Variants in DGKZ observed in about 807,000 individuals in gnomAD.
DGKZ encodes DAG kinase zeta.
Under a neutral mutation model 142.5 loss-of-function variants are expected in DGKZ, and 45 were observed. That is an observed-to-expected ratio of 0.32 (90% CI 0.25 to 0.40). DGKZ has a LOEUF of 0.40. Among genes scored for constraint, DGKZ ranks in the 10% least tolerant of loss-of-function variants. The pLI is 1.00. For synonymous variants in DGKZ, 442 were observed against 527.0 expected (o/e 0.84, Z 2.21); for missense variants, 755 against 1,306.5 (o/e 0.58, Z 6.51).
At chr11:46,345,492 CG>C (rs1940526654), upstream of DGKZ, 1 of 1,512,740 alleles carries the variant, frequency 6.6e-7, no homozygotes, top group Admixed American at 2.3e-5. This position sits in a 1 kb window ranked among gnomAD's most constrained non-coding sequence, Gnocchi z 4.1. Flanking sequence ...GCGCTGGGGA[CG>C]GAAGAAGGGG....
chr11:46,350,565 G>C (rs1248733159), intron 1 of DGKZ, among the ~76,000 whole-genome samples: 2 of 142,540 alleles, frequency 1.4e-5, no homozygotes, highest in Non-Finnish European at 3.1e-5. Context: ...GGAAGATCAA[G>C]GGTAACAACT....
At chr11:46,368,256 A>G in intron 4 of DGKZ, 177 bp downstream of exon 4, 1 of 711,240 alleles carries the variant, frequency 1.4e-6, no homozygotes, top group Non-Finnish European at 2.5e-6. Context: ...CTCCTCACTG[A>G]TTAGCTGCTG....
chr11:46,376,457 AGGG>A, intron 23 of DGKZ, 60 bp downstream of exon 23: 1 of 1,613,794 alleles, frequency 6.2e-7, no homozygotes, highest in South Asian at 1.1e-5. Context: ...GATCCCAGGT[AGGG>A]GCAGCAGAGG....
rs1251532491 is a variant in DGKZ at position 46,372,206 on chromosome 11, G to A, written c.927+36G>A. 1 of 1,546,308 alleles carries A rather than the reference G, an allele frequency of 6.5e-7. No homozygotes were observed. The highest frequency in any genetic ancestry group is 8.8e-7 in the Non-Finnish European group (1 of 1,140,414). ...CCTTGCCTCTCAGCTAAGGGCTCGG[G>A]CGGGGGTTGGGGTCCAGCCCGTCTG... On this transcript the variant is annotated intron_variant, in intron 10 of 30. Coordinates refer to ENST00000527911, the Ensembl canonical transcript of DGKZ. This position sits in a 1 kb window ranked among gnomAD's most constrained non-coding sequence, Gnocchi z 5.9.
At position 46,372,759 on chromosome 11, in the gene DGKZ, T is replaced by G. The variant is rs1410789720; in HGVS notation, c.1072-12T>G. ...CTGTGGGCCTGATTTGCCTCTGTTC[T>G]TCCTCCCCCAGGTGGGCTGGATCCT... On this transcript the variant is annotated splice_polypyrimidine_tract_variant and intron_variant, in intron 12 of 30. Coordinates refer to ENST00000527911, the Ensembl canonical transcript of DGKZ. This position sits in a 1 kb window ranked among gnomAD's most constrained non-coding sequence, Gnocchi z 5.9. 1 of 1,608,228 alleles carries G rather than the reference T, an allele frequency of 6.2e-7. No individual in the cohort carries two copies. Among genetic ancestry groups the G allele is most frequent in the South Asian group, 1.1e-5 (1 of 90,296 alleles).
In DGKZ at chr11:46,372,676, C is replaced by T; in HGVS notation, c.1070C>T (p.Thr357Met). The change falls in exon 12 of 31, where the codon ACG (threonine) becomes ATG (methionine). Residue 357 changes from threonine (T) to methionine (M), a missense_variant and splice_region_variant. Physicochemically the swap from Thr to Met is moderately conservative, Grantham distance 81. This residue lies in a region of DGKZ where 191 missense variants were observed against 472.1 expected (regional missense o/e 0.40). Transcript: ENST00000527911. This position sits in a 1 kb window ranked among gnomAD's most constrained non-coding sequence, Gnocchi z 5.9. Reference sequence around the variant, plus strand: ...ATCCTGGCGTGCGGGGGCGACGGCACGGTGAGCTCCCCGCATGGGCCAGCC... The same window carrying T: ...ATCCTGGCGTGCGGGGGCGACGGCATGGTGAGCTCCCCGCATGGGCCAGCC... 2 of 1,613,218 alleles carry T rather than the reference C, an allele frequency of 1.2e-6. No homozygotes were observed. The highest frequency in any genetic ancestry group is 1.3e-5 in the African/African-American group (1 of 75,026).
At chr11:46,369,380 T>TG (rs1943693693) in intron 4 of DGKZ, 114 bp from the exon 5 acceptor site, 1 of 1,289,174 alleles carries the variant, frequency 7.8e-7, no homozygotes. Flanking sequence ...CGTGACGATT[T>TG]GGGGGTATCC....
intron 1 of DGKZ, among the ~76,000 whole-genome samples, chr11:46,348,656 C>T (rs562096056): frequency 1.4e-4 from 21 of 152,294 alleles, no homozygotes; most frequent in African/African-American, 5.1e-4. Context: ...TAGCGGGGAA[C>T]CGGGGGGAGA....
At position 46,367,741 on chromosome 11, in the gene DGKZ, G is replaced by T. The variant is rs1447795808; in HGVS notation, c.360G>T (p.Arg120Ser). 6.2e-7 allele frequency: 1 copy of T among 1,613,174 alleles called. No individual in the cohort carries two copies. Among genetic ancestry groups the T allele is most frequent in the Non-Finnish European group, 8.5e-7 (1 of 1,179,896 alleles). Reference sequence around the variant, plus strand: ...TTGGGGAGCAGTACTGTGTAGCCAGGATGCTGGTGAGTGCTCGTAGGGGCA... The same window carrying T: ...TTGGGGAGCAGTACTGTGTAGCCAGTATGCTGGTGAGTGCTCGTAGGGGCA... The change falls in exon 3 of 31, where the codon AGG becomes AGT. Residue 120 changes from arginine (R) to serine (S), a missense_variant. This residue lies in a region of DGKZ where 142 missense variants were observed against 244.4 expected (regional missense o/e 0.58). Transcript: ENST00000527911. The surrounding 1 kb of genome is among the most constrained non-coding windows in gnomAD (Gnocchi z 4.1).
chr11:46,367,833 C>G lies in DGKZ; in HGVS notation c.366+86C>G, dbSNP rs1943492728. 6.4e-7 allele frequency: 1 copy of G among 1,566,240 alleles called. No individual in the cohort carries two copies. The highest frequency in any genetic ancestry group is 1.4e-5 in the African/African-American group (1 of 73,940). On this transcript the variant is annotated intron_variant, in intron 3 of 30. Coordinates refer to ENST00000527911, the Ensembl canonical transcript of DGKZ. This position sits in a 1 kb window ranked among gnomAD's most constrained non-coding sequence, Gnocchi z 4.1. Reference sequence around the variant, plus strand: ...GGGAACGTGGGATTGAGCCCGCTCCCTGGCACCCCTGCTGTGGGCCGCCCC... The same window carrying G: ...GGGAACGTGGGATTGAGCCCGCTCCGTGGCACCCCTGCTGTGGGCCGCCCC...
At chr11:46,377,925 A>T in intron 25 of DGKZ, 1 of 532,276 alleles carries the variant, frequency 1.9e-6, no homozygotes, top group Admixed American at 3.3e-5. Context: ...GTGCCACATC[A>T]CCTGTTCTGA....
In DGKZ at chr11:46,366,263, ACTTT is replaced by A. The variant is rs1167230952; in HGVS notation, c.162-1023_162-1020del. 1 of 1,577,968 alleles carries A rather than the reference ACTTT, an allele frequency of 6.3e-7. No homozygotes were observed. The highest frequency in any genetic ancestry group is 8.5e-7 in the Non-Finnish European group (1 of 1,171,648). On this transcript the variant is annotated intron_variant, in intron 1 of 30. Transcript: ENST00000527911. ...CAACAGCCAACCGCCTGCCATGGAGACTTTCTTTAGGAGACATTTCCGGGGGAAG... is the reference window on the plus strand; with the variant it reads ...CAACAGCCAACCGCCTGCCATGGAGACTTTAGGAGACATTTCCGGGGGAAG...
intron 1 of DGKZ, among the ~76,000 whole-genome samples, chr11:46,336,988 T>A (rs1940046945): frequency 6.6e-6 from 1 of 152,120 alleles, no homozygotes; most frequent in Non-Finnish European, 1.5e-5. Context: ...GCCACTGCAC[T>A]CGAGGCTGGG....
At chr11:46,374,064 A>T in intron 14 of DGKZ, 93 bp from the exon 15 acceptor site, 1 of 1,384,832 alleles carries the variant, frequency 7.2e-7, no homozygotes, top group Non-Finnish European at 1.0e-6. Flanking sequence ...GCCTGTGAAC[A>T]GATGGGCTGA....
At chr11:46,357,689 G>A (rs1044913262) in intron 1 of DGKZ, among the ~76,000 whole-genome samples, 4 of 152,202 alleles carry the variant, frequency 2.6e-5, no homozygotes, top group Non-Finnish European at 5.9e-5. Flanking sequence ...CCAGGAGCTC[G>A]CGGTCTGGTG....
At position 46,372,412 on chromosome 11, in the gene DGKZ, T is replaced by C. The variant is rs779663147; in HGVS notation, c.928-16T>C. On this transcript the variant is annotated splice_polypyrimidine_tract_variant and intron_variant, in intron 10 of 30. Transcript: ENST00000527911. The surrounding 1 kb of genome is among the most constrained non-coding windows in gnomAD (Gnocchi z 5.9). ...CACCACTGCCTGACTGTCTCTTGGC[T>C]CCCCATCCCATCCAGGGTGCAAAGA... The C allele has an allele frequency of 1.2e-6, 2 of 1,613,698 alleles. No individual in the cohort carries two copies. The highest frequency in any genetic ancestry group is 2.2e-5 in the South Asian group (2 of 91,074).
intron 1 of DGKZ, chr11:46,365,653 G>C: frequency 7.1e-6 from 7 of 985,298 alleles, no homozygotes; most frequent in Non-Finnish European, 8.4e-6. Flanking sequence ...AGAGACTCTG[G>C]GGGTCCTGTC....
intron 14 of DGKZ, among the ~76,000 whole-genome samples, chr11:46,373,712 G>C (rs911361871): frequency 1.3e-5 from 2 of 152,130 alleles, no homozygotes; most frequent in Non-Finnish European, 2.9e-5. Context: ...TGGTCAGCCT[G>C]GTTTTGAACT....
Position 46,367,474 on chromosome 11 carries a change from T to C in DGKZ, c.270+75T>C, listed in dbSNP as rs1943444672. 1 of 1,506,642 alleles carries C rather than the reference T, an allele frequency of 6.6e-7. No individual in the cohort carries two copies. The highest frequency in any genetic ancestry group is 9.1e-7 in the Non-Finnish European group (1 of 1,101,690). The allele number at this position is 1,506,642 out of a possible 1,614,324, so 93.3% of individuals were successfully genotyped here. On this transcript the variant is annotated intron_variant, in intron 2 of 30. Coordinates refer to ENST00000527911, the Ensembl canonical transcript of DGKZ. This position sits in a 1 kb window ranked among gnomAD's most constrained non-coding sequence, Gnocchi z 4.1. ...AGGCGCAGCTGGCGGGTGGAGGCAC[T>C]AAAGGCAGCTGGGAGAGCCAAGCCT...
Sources: allele counts gnomAD v4.1 joint callset (sites outside exome capture counted in the v4.1 genomes callset), GRCh38; gene constraint gnomAD v4.1.1; regional missense constraint gnomAD v4.1.1; non-coding constraint Gnocchi (gnomAD v3.1); transcripts MANE v1.5; gene names NCBI Gene and HGNC (gene_info 2026-07-23, HGNC 2026-07-21).